Variants in DMD observed in about 807,000 individuals in gnomAD.
The protein encoded by DMD is mutant dystrophin.
A neutral mutation model predicts 330.1 loss-of-function variants in DMD; 63 were observed. The ratio of observed to expected loss-of-function variants is 0.19; its 90% CI spans 0.16 to 0.24. The LOEUF is 0.24. DMD is among the 10% of genes least tolerant of loss of function. The probability of loss-of-function intolerance (pLI) is 1.00; values close to 1 mark genes in which losing one functional copy is unlikely to be tolerated. For synonymous variants in DMD, 1,223 were observed against 959.8 expected (o/e 1.27, Z -5.07); for missense variants, 3,344 against 2,684.1 (o/e 1.25, Z -5.43).
At chrX:31,870,945 AG>A (rs2093880596) in intron 48 of DMD, among the ~76,000 whole-genome samples, 1 of 111,904 alleles carries the variant, frequency 8.9e-6, no homozygotes, top group Non-Finnish European at 1.9e-5. Context: ...GGAAAGCAGT[AG>A]TCAGTCTTAT....
At chrX:32,589,698 A>C (rs1461508348) in intron 13 of DMD, among the ~76,000 whole-genome samples, 1 of 111,402 alleles carries the variant, frequency 9.0e-6, no homozygotes, top group Non-Finnish European at 1.9e-5. Context: ...AACATTTCGA[A>C]CTATAAACAT....
At chrX:31,555,595 C>A (rs983690233) in intron 55 of DMD, among the ~76,000 whole-genome samples, 4 of 111,735 alleles carry the variant, frequency 3.6e-5, no homozygotes, top group African/African-American at 1.3e-4. Context: ...GGCTAGTCAT[C>A]AGGCTATTTT....
intron 7 of DMD, among the ~76,000 whole-genome samples, chrX:32,733,127 A>C (rs1415845159): frequency 9.2e-6 from 1 of 108,875 alleles, no homozygotes; most frequent in Non-Finnish European, 1.9e-5. Flanking sequence ...TCTCTGATAA[A>C]ACAGACTTTA....
At chrX:31,173,742 T>C in intron 71 of DMD, 138 bp from the exon 72 acceptor site, 1 of 439,531 alleles carries the variant, frequency 2.3e-6, no homozygotes, top group South Asian at 5.5e-5. Context: ...TAGTTGCTCC[T>C]ATATCTTAAA....
intron 44 of DMD, among the ~76,000 whole-genome samples, chrX:32,147,526 G>A (rs759551987): frequency 1.8e-3 from 196 of 111,555 alleles, no homozygotes; most frequent in African/African-American, 6.1e-3. Context: ...CTATTAAATA[G>A]ATAAGTTGAT....
rs1795743 is a variant in DMD, at chrX:31,126,670, C to T, written c.11018G>A (p.Arg3673Lys). 1 of 1,192,152 alleles carries T rather than the reference C, an allele frequency of 8.4e-7. No homozygotes were observed. The highest frequency in any genetic ancestry group is 1.7e-5 in the African/African-American group (1 of 57,215). Residue 3673 changes from arginine to lysine, a missense_variant, in exon 78 of 79, where the codon AGA (arginine) becomes AAA (lysine). Physicochemically the swap from Arg to Lys is conservative, Grantham distance 26. Transcript: ENST00000357033. ...LNNSFPSSRG[R>K]NTPGKPMRED... ...TCTCATTGGCTTTCCAGGGGTATTTCTTCCTTTAATAATAGAGAGAGGAAG... is the reference window on the plus strand; with the variant it reads ...TCTCATTGGCTTTCCAGGGGTATTTTTTCCTTTAATAATAGAGAGAGGAAG...
chrX:32,795,621 T>C (rs1464120689), intron 7 of DMD, among the ~76,000 whole-genome samples: 1 of 111,760 alleles, frequency 8.9e-6, no homozygotes, highest in Non-Finnish European at 1.9e-5. Context: ...ATTGGGACTG[T>C]AGAAAATGAA....
chrX:32,258,898 T>C lies in DMD; in HGVS notation c.6290+28631A>G, dbSNP rs145503609. Among the ~76,000 whole-genome samples the C allele has an allele frequency of 5.0e-3, 561 of 111,320 alleles. 3 individuals are homozygous for C. Among genetic ancestry groups the C allele is most frequent in the African/African-American group, 0.016 (486 of 30,684 alleles). Reference sequence around the variant, plus strand: ...GGATCATAAAATAGCACAACTTAAATAGAAAAATAAATGATTCAGAATCAG... The same window carrying C: ...GGATCATAAAATAGCACAACTTAAACAGAAAAATAAATGATTCAGAATCAG... On this transcript the variant is annotated intron_variant, in intron 43 of 78. Coordinates refer to ENST00000357033, the MANE Select transcript of DMD (RefSeq NM_004006.3).
chrX:32,352,982 C>T (rs1345054470), intron 37 of DMD, among the ~76,000 whole-genome samples: 1 of 111,206 alleles, frequency 9.0e-6, no homozygotes, highest in Non-Finnish European at 1.9e-5. Context: ...AGTGAAAACA[C>T]TGCCTTTTAT....
chrX:31,628,116 T>G (rs1207839292), intron 54 of DMD, among the ~76,000 whole-genome samples: 3 of 111,204 alleles, frequency 2.7e-5, no homozygotes, highest in Non-Finnish European at 3.8e-5. Context: ...TATAAACCCC[T>G]CTCCACAGAG....
intron 65 of DMD, among the ~76,000 whole-genome samples, chrX:31,207,016 CAGA>C (rs1343680427): frequency 9.0e-6 from 1 of 111,189 alleles, no homozygotes; most frequent in African/African-American, 3.3e-5. Context: ...AGTTGGTAAG[CAGA>C]AGAATTACTA....
At chrX:32,647,186 A>C (rs2059837213) in intron 9 of DMD, among the ~76,000 whole-genome samples, 1 of 111,448 alleles carries the variant, frequency 9.0e-6, no homozygotes, top group Admixed American at 9.6e-5. Context: ...AATTGTAAAT[A>C]ATTTTATTTT....
chrX:32,889,477 G>A (rs776350387), intron 2 of DMD, among the ~76,000 whole-genome samples: 12 of 110,626 alleles, frequency 1.1e-4, no homozygotes, highest in South Asian at 7.8e-4. Context: ...TCAGGACTCT[G>A]AGCTAAGCCA....
chrX:33,147,409 G>A (rs2048086241), intron 1 of DMD, among the ~76,000 whole-genome samples: 1 of 111,910 alleles, frequency 8.9e-6, no homozygotes, highest in Middle Eastern at 4.6e-3. Flanking sequence ...AAGAAGGTCC[G>A]GAATGGCAGT....
rs1000778494 is a variant in DMD, at chrX:33,069,351, C to T, written c.32-49151G>A. On this transcript the variant is annotated intron_variant, in intron 1 of 78. Coordinates refer to ENST00000357033, the MANE Select transcript of DMD (RefSeq NM_004006.3). ...TTAGGCCTAAGAAGGAGACTGATTT[C>T]CCAAGGATGTTCACGTTGATTTATT... 5.4e-5 allele frequency among the ~76,000 whole-genome samples: 6 copies of T among 111,420 alleles called. No individual in the cohort carries two copies. The Admixed American group carries it at 5.8e-4, about 11-fold the overall frequency.
At chrX:31,800,417 T>G (rs1357825466) in intron 50 of DMD, among the ~76,000 whole-genome samples, 1 of 112,502 alleles carries the variant, frequency 8.9e-6, no homozygotes, top group Non-Finnish European at 1.9e-5. Flanking sequence ...TTTGGCTTCT[T>G]TGAGCCACAG....
At chrX:31,143,823 A>T (rs987624854) in intron 76 of DMD, among the ~76,000 whole-genome samples, 3 of 111,976 alleles carry the variant, frequency 2.7e-5, no homozygotes, top group African/African-American at 9.7e-5. Context: ...TATGTAACTT[A>T]GTTTCATATG....
chrX:32,189,948 T>C (rs1282656734), intron 44 of DMD, among the ~76,000 whole-genome samples: 1 of 111,306 alleles, frequency 9.0e-6, no homozygotes, highest in Non-Finnish European at 1.9e-5. Context: ...GTTACATATG[T>C]ATACATGTGT....
At chrX:31,220,652 C>T (rs2045911550) in intron 64 of DMD, among the ~76,000 whole-genome samples, 1 of 111,139 alleles carries the variant, frequency 9.0e-6, no homozygotes, top group Non-Finnish European at 1.9e-5. Context: ...TTACAAGCAG[C>T]ACCTACAGGC....
Sources: gnomAD v4.1 joint callset for allele counts (sites outside exome capture counted in the v4.1 genomes callset) on GRCh38, gnomAD v4.1.1 for gene constraint, MANE v1.5 for transcripts, NCBI Gene and HGNC (gene_info 2026-07-23, HGNC 2026-07-21) for gene names.